Variants in LRRC4C observed in about 807,000 individuals in gnomAD.
LRRC4C encodes the protein leucine rich repeat containing 4C.
In LRRC4C, 5 loss-of-function variants were observed where a neutral mutation model predicts 33.6. The observed-to-expected ratio is 0.15, with a 90% CI of 0.08 to 0.31. The LOEUF (loss-of-function observed/expected upper bound fraction) is 0.31. LRRC4C is among the 10% of genes least tolerant of loss of function. LRRC4C has a pLI of 1.00. For missense variants in LRRC4C, 560 were observed against 796.7 expected, an observed-to-expected ratio of 0.70 and a Z score of 3.58; for synonymous variants, 329 against 302.0, an observed-to-expected ratio of 1.09 and a Z score of -0.93.
intron 1 of LRRC4C, among the ~76,000 whole-genome samples, chr11:41,325,608 T>A: frequency 6.7e-6 from 1 of 149,284 alleles, no homozygotes; most frequent in Non-Finnish European, 1.5e-5. Context: ...TGTGTGTGTG[T>A]GTGTGTTAAA....
intron 4 of LRRC4C, among the ~76,000 whole-genome samples, chr11:40,253,055 T>C (rs1866910715): frequency 6.6e-6 from 1 of 152,148 alleles, no homozygotes; most frequent in Admixed American, 6.6e-5. Context: ...TTTCACCAAA[T>C]CCTCCAATTA....
At chr11:40,836,990 T>C (rs998127321) in intron 2 of LRRC4C, among the ~76,000 whole-genome samples, 6 of 152,102 alleles carry the variant, frequency 3.9e-5, no homozygotes, top group Non-Finnish European at 7.4e-5. Flanking sequence ...CTGTAATAAA[T>C]CTCTTGTTTT....
At chr11:41,371,911 G>A (rs1036809989) in intron 1 of LRRC4C, among the ~76,000 whole-genome samples, 9 of 152,316 alleles carry the variant, frequency 5.9e-5, no homozygotes, top group East Asian at 3.9e-4. Flanking sequence ...CAAGGGAGGC[G>A]GATCAGGAGG....
chr11:40,346,449 A>T (rs1947133790), intron 3 of LRRC4C, among the ~76,000 whole-genome samples: 1 of 152,196 alleles, frequency 6.6e-6, no homozygotes, highest in Non-Finnish European at 1.5e-5. Context: ...TAACACAGTA[A>T]CAGAAAATTA....
At chr11:40,859,055 T>A (rs985230611) in intron 2 of LRRC4C, among the ~76,000 whole-genome samples, 2 of 152,126 alleles carry the variant, frequency 1.3e-5, no homozygotes, top group East Asian at 1.9e-4. Context: ...GCTAAGAATA[T>A]CAAAATAGAT....
At chr11:40,793,952 C>T (rs535777886) in intron 2 of LRRC4C, among the ~76,000 whole-genome samples, 1 of 152,226 alleles carries the variant, frequency 6.6e-6, no homozygotes, top group South Asian at 2.1e-4. Context: ...GACTAGGCTG[C>T]CTTCTTTCTC....
rs534149522 is a variant in LRRC4C, at chr11:40,839,457, G to T, written c.-407+94178C>A. On this transcript the variant is annotated intron_variant, in intron 2 of 6. Coordinates refer to ENST00000528697, the MANE Select transcript of LRRC4C (RefSeq NM_001258419.2). ...GATGGGGTTTCACCATGTTAGCCAG[G>T]CTGGTCTCGAACTGCTGACCTCAGG... 5.3e-5 allele frequency among the ~76,000 whole-genome samples: 8 copies of T among 152,220 alleles called. 1 individual carries two copies. The South Asian group carries it at 1.7e-3, about 32-fold the overall frequency.
At chr11:40,991,871 C>T (rs1189693851) in intron 1 of LRRC4C, among the ~76,000 whole-genome samples, 1 of 152,154 alleles carries the variant, frequency 6.6e-6, no homozygotes, top group African/African-American at 2.4e-5. Flanking sequence ...GCTTGCTTGC[C>T]TGCTGCTCAC....
At chr11:40,425,786 A>G (rs998289638) in intron 3 of LRRC4C, among the ~76,000 whole-genome samples, 1 of 152,244 alleles carries the variant, frequency 6.6e-6, no homozygotes, top group Non-Finnish European at 1.5e-5. Context: ...TCATGTCAGA[A>G]AAAATTAAAA....
chr11:40,506,055 A>G (rs996220319), intron 3 of LRRC4C, among the ~76,000 whole-genome samples: 1 of 152,162 alleles, frequency 6.6e-6, no homozygotes, highest in Admixed American at 6.6e-5. Flanking sequence ...GAACTTTCAG[A>G]TCTTAAACTA....
At chr11:40,381,324 A>G (rs10837391) in intron 3 of LRRC4C, among the ~76,000 whole-genome samples, 59,859 of 151,770 alleles carry the variant, frequency 0.39, 11,994 homozygotes, top group East Asian at 0.49. Context: ...AACCCATTAT[A>G]TTGGCCATTA....
At chr11:40,945,603 G>T (rs1467930757) in intron 1 of LRRC4C, among the ~76,000 whole-genome samples, 5 of 152,030 alleles carry the variant, frequency 3.3e-5, no homozygotes, top group Admixed American at 2.6e-4. Flanking sequence ...ATGCAAATTC[G>T]CTGACAAGTC....
At chr11:40,973,402 C>T (rs546168657) in intron 1 of LRRC4C, among the ~76,000 whole-genome samples, 2 of 152,152 alleles carry the variant, frequency 1.3e-5, no homozygotes, top group African/African-American at 4.8e-5. Flanking sequence ...AATTGTCAGA[C>T]AAGACAAAAC....
chr11:41,418,955 C>A (rs1798879519), intron 1 of LRRC4C, among the ~76,000 whole-genome samples: 1 of 151,534 alleles, frequency 6.6e-6, no homozygotes, highest in African/African-American at 2.4e-5. Flanking sequence ...TCATTCATTT[C>A]AAAAATGTTT....
chr11:41,135,837 A>G (rs2135871089), intron 1 of LRRC4C, among the ~76,000 whole-genome samples: 1 of 152,326 alleles, frequency 6.6e-6, no homozygotes. Flanking sequence ...CTCCAGAGAT[A>G]GGACCATTTT....
chr11:40,189,694 T>G (rs1861680067), intron 5 of LRRC4C, among the ~76,000 whole-genome samples: 1 of 152,212 alleles, frequency 6.6e-6, no homozygotes, highest in Non-Finnish European at 1.5e-5. Context: ...AGTTTTATTT[T>G]ACTTAAATAA....
At chr11:40,363,033 C>T (rs1212661684) in intron 3 of LRRC4C, among the ~76,000 whole-genome samples, 1 of 152,074 alleles carries the variant, frequency 6.6e-6, no homozygotes, top group Admixed American at 6.6e-5. Flanking sequence ...AAGTACCATT[C>T]CACTGAGGAA....
intron 2 of LRRC4C, among the ~76,000 whole-genome samples, chr11:40,834,911 G>GACAGACACACACACAC (rs748483585): frequency 0.045 from 3,791 of 84,856 alleles, 171 homozygotes; most frequent in Non-Finnish European, 0.07. Context: ...CAGACAGACA[G>GACAGACACACACACAC]ACACACACAC....
intron 1 of LRRC4C, among the ~76,000 whole-genome samples, chr11:41,108,549 C>T (rs1197766834): frequency 6.6e-6 from 1 of 152,028 alleles, no homozygotes; most frequent in Admixed American, 6.6e-5. Context: ...TTAAGAAAGG[C>T]CCAGATCGCA....
Sources: allele counts gnomAD v4.1 joint callset (sites outside exome capture counted in the v4.1 genomes callset), GRCh38; gene constraint gnomAD v4.1.1; transcripts MANE v1.5; gene names NCBI Gene and HGNC (gene_info 2026-07-23, HGNC 2026-07-21).